The following GRID2 variants were observed in gnomAD, a reference collection of about 807,000 sequenced individuals.
GRID2 encodes the protein glutamate receptor ionotropic, delta-2.
GRID2 carries 33 observed loss-of-function variants against 114.8 expected under a neutral mutation model. That is an observed-to-expected ratio of 0.29 (90% CI 0.22 to 0.38). The LOEUF (loss-of-function observed/expected upper bound fraction) is 0.38. GRID2 is among the 10% of genes least tolerant of loss of function. GRID2 has a pLI of 1.00. For synonymous variants in GRID2, 505 were observed against 449.9 expected, an observed-to-expected ratio of 1.12 and a Z score of -1.55; for missense variants, 1,184 against 1,257.7, an observed-to-expected ratio of 0.94 and a Z score of 0.89.
rs765119077 is a variant in GRID2, at chr4:93,422,923, A to C, written c.1500A>C (p.Gln500His). 1 of 1,613,884 alleles carries C rather than the reference A, an allele frequency of 6.2e-7. No homozygotes were observed. The highest frequency in any genetic ancestry group is 1.1e-5 in the South Asian group (1 of 91,070). Residue 500 changes from glutamine (Q) to histidine (H), a missense_variant, in exon 10 of 16, where the codon CAA becomes CAC. Physicochemically the swap from Gln to His is conservative, Grantham distance 24. Around this residue, in one of 3 missense-constraint regions of GRID2, gnomAD observed 717 missense variants for 796.9 expected, o/e 0.90. Coordinates refer to ENST00000282020, the MANE Select transcript of GRID2 (RefSeq NM_001510.4). ...CGGATCACAAATACGGAAGCCCACA[A>C]GAAGATGGGACATGGAATGGCTTGG... ...VAPDHKYGSP[Q>H]EDGTWNGLVG...
intron 2 of GRID2, among the ~76,000 whole-genome samples, chr4:92,672,495 T>C (rs1160080538): frequency 6.6e-6 from 1 of 152,150 alleles, no homozygotes; most frequent in African/African-American, 2.4e-5. Context: ...TTTGTACTTC[T>C]ACATTTAAAG....
intron 1 of GRID2, among the ~76,000 whole-genome samples, chr4:92,478,890 A>G (rs982532098): frequency 6.6e-6 from 1 of 152,092 alleles, no homozygotes; most frequent in Admixed American, 6.6e-5. Context: ...GAACACTCAC[A>G]GCAATTCTTT....
intron 14 of GRID2, among the ~76,000 whole-genome samples, chr4:93,629,536 T>C (rs2149695686): frequency 6.6e-6 from 1 of 152,336 alleles, no homozygotes; most frequent in African/African-American, 2.4e-5. Context: ...TCCCTTTCTG[T>C]TAACTGATTT....
At chr4:93,776,822 T>C (rs922213944), downstream of GRID2, among the ~76,000 whole-genome samples, 3 of 152,178 alleles carry the variant, frequency 2.0e-5, no homozygotes, top group African/African-American at 4.8e-5. Context: ...TTCATCCTTA[T>C]TGATACTTGC....
rs1337157556 is a variant in GRID2 at position 92,930,095 on chromosome 4, CT to C, written c.245-154895del. On this transcript the variant is annotated intron_variant, in intron 2 of 15. Transcript: ENST00000282020. The stretch of plus-strand genomic sequence containing the variant: ...GAACAGTAGCATTTAATTTTCATAA[CT>C]TTTTCGTAAATGAGGATACCGGAAG... Among the ~76,000 whole-genome samples the C allele has an allele frequency of 2.6e-5, 4 of 151,304 alleles. No individual in the cohort carries two copies. The East Asian group carries it at 7.8e-4, about 29-fold the overall frequency.
chr4:93,744,650 G>T (rs1051219832), intron 14 of GRID2, among the ~76,000 whole-genome samples: 1 of 152,182 alleles, frequency 6.6e-6, no homozygotes, highest in East Asian at 1.9e-4. Context: ...TGTGAACACT[G>T]TTGAAATAAC....
intron 4 of GRID2, among the ~76,000 whole-genome samples, chr4:93,122,890 G>GTTTTTTTTGTTTTTTT (rs1733915033): frequency 5.7e-5 from 4 of 69,774 alleles, no homozygotes; most frequent in South Asian, 5.7e-4. Flanking sequence ...ACAGATGTGG[G>GTTTTTTTTGTTTTTTT]TTTTTTTTTT....
chr4:93,525,166 GAAAGGGAACCTAGCA>G (rs1005020854), intron 13 of GRID2, among the ~76,000 whole-genome samples: 3 of 151,990 alleles, frequency 2.0e-5, no homozygotes. Flanking sequence ...AGAACACAGG[GAAAGGGAACCTAGCA>G]TAGCCTGAAG....
At chr4:93,315,381 C>T (rs972691409) in intron 8 of GRID2, among the ~76,000 whole-genome samples, 2 of 152,056 alleles carry the variant, frequency 1.3e-5, no homozygotes, top group Non-Finnish European at 2.9e-5. Context: ...TTATATGCTT[C>T]GACCAGCATC....
chr4:92,566,274 G>A (rs985280792), intron 1 of GRID2, among the ~76,000 whole-genome samples: 1 of 151,792 alleles, frequency 6.6e-6, no homozygotes, highest in Non-Finnish European at 1.5e-5. Context: ...AATTCAATAT[G>A]GAAATATTTC....
chr4:92,562,102 G>C (rs1414060394), intron 1 of GRID2, among the ~76,000 whole-genome samples: 1 of 152,060 alleles, frequency 6.6e-6, no homozygotes, highest in Non-Finnish European at 1.5e-5. Flanking sequence ...ATTACTTTTG[G>C]TTTTGAATTC....
At chr4:92,576,171 C>T (rs911701301) in intron 1 of GRID2, among the ~76,000 whole-genome samples, 17 of 152,246 alleles carry the variant, frequency 1.1e-4, no homozygotes, top group African/African-American at 4.1e-4. Context: ...CTGGAGACCC[C>T]AGCTGGGAGG....
chr4:93,146,017 A>G (rs942423435), intron 4 of GRID2, among the ~76,000 whole-genome samples: 2 of 151,986 alleles, frequency 1.3e-5, no homozygotes, highest in African/African-American at 4.8e-5. Context: ...ATCTTTGAAA[A>G]CTGCAAGCAA....
chr4:92,765,931 T>G (rs1738241111), intron 2 of GRID2, among the ~76,000 whole-genome samples: 1 of 152,144 alleles, frequency 6.6e-6, no homozygotes, highest in Admixed American at 6.5e-5. Flanking sequence ...TTAGTGGAAT[T>G]CAGGAGAGAG....
chr4:92,561,027 T>C (rs977312528), intron 1 of GRID2, among the ~76,000 whole-genome samples: 2 of 152,174 alleles, frequency 1.3e-5, no homozygotes, highest in African/African-American at 4.8e-5. Context: ...TTTTTTAATC[T>C]ACTTTAGGTG....
intron 1 of GRID2, among the ~76,000 whole-genome samples, chr4:92,429,615 A>G (rs912047425): frequency 2.6e-5 from 4 of 152,176 alleles, no homozygotes; most frequent in Non-Finnish European, 5.9e-5. Flanking sequence ...AAAGGAATCC[A>G]GCAGTGAGAT....
At position 93,611,046 on chromosome 4, in the gene GRID2, A is replaced by G. The variant is rs1394727064; in HGVS notation, c.2194-15223A>G. Among the ~76,000 whole-genome samples, 696 of 123,172 alleles carry G rather than the reference A, an allele frequency of 5.7e-3. 24 individuals carry two copies. The highest frequency in any genetic ancestry group is 8.9e-3 in the Non-Finnish European group (519 of 58,346). 80.8% of individuals were successfully genotyped at this position (123,172 alleles called of 152,430 possible). On this transcript the variant is annotated intron_variant, in intron 13 of 15. Coordinates refer to ENST00000282020, the MANE Select transcript of GRID2 (RefSeq NM_001510.4). Reference sequence around the variant, plus strand: ...CTTCTTCCTGGTTTAGTCTTGGGAGAGTGTATGTGTCAAGGAATTTATCCA... The same window carrying G: ...CTTCTTCCTGGTTTAGTCTTGGGAGGGTGTATGTGTCAAGGAATTTATCCA...
At chr4:92,530,849 G>A (rs998913210) in intron 1 of GRID2, among the ~76,000 whole-genome samples, 6 of 151,950 alleles carry the variant, frequency 3.9e-5, no homozygotes, top group Admixed American at 6.6e-5. Context: ...GGAGGTTTCA[G>A]TGAGCTGAGA....
At chr4:93,678,096 C>A (rs1042229587) in intron 14 of GRID2, among the ~76,000 whole-genome samples, 1 of 152,038 alleles carries the variant, frequency 6.6e-6, no homozygotes, top group Non-Finnish European at 1.5e-5. Context: ...GCTGATGGAG[C>A]CGAAAGCCAA....
Sources: gnomAD v4.1 joint callset for allele counts (sites outside exome capture counted in the v4.1 genomes callset) on GRCh38, gnomAD v4.1.1 for gene constraint, gnomAD v4.1.1 regional missense constraint, MANE v1.5 for transcripts, NCBI Gene and HGNC (gene_info 2026-07-23, HGNC 2026-07-21) for gene names.